The following ARHGAP15 variants were observed in gnomAD, a reference collection of about 807,000 sequenced individuals.
ARHGAP15 encodes the protein Rho GTPase activating protein 15.
ARHGAP15 carries 51 observed loss-of-function variants against 63.7 expected under a neutral mutation model. That is an observed-to-expected ratio of 0.80 (90% CI 0.64 to 1.01). The LOEUF is 1.01. Ranked by LOEUF, ARHGAP15 falls within the 50% of genes least tolerant of loss-of-function variation. The pLI, the probability that ARHGAP15 is intolerant of heterozygous loss-of-function variation, is 0.00. For synonymous variants in ARHGAP15, 191 were observed against 193.8 expected, an observed-to-expected ratio of 0.99 and a Z score of 0.12; for missense variants, 560 against 564.6, an observed-to-expected ratio of 0.99 and a Z score of 0.08.
chr2:143,130,719 T>A (rs1050986717), intron 1 of ARHGAP15, among the ~76,000 whole-genome samples: 3 of 152,148 alleles, frequency 2.0e-5, no homozygotes, highest in African/African-American at 7.2e-5. Context: ...AAAATAGAGA[T>A]TAGGACTTGG....
intron 6 of ARHGAP15, among the ~76,000 whole-genome samples, chr2:143,432,777 G>A (rs1475020980): frequency 6.6e-6 from 1 of 152,010 alleles, no homozygotes; most frequent in Admixed American, 6.6e-5. Flanking sequence ...CTTCATTAAG[G>A]TTACTTTGGT....
At chr2:143,503,112 A>T (rs1693147628) in intron 9 of ARHGAP15, among the ~76,000 whole-genome samples, 1 of 152,238 alleles carries the variant, frequency 6.6e-6, no homozygotes, top group Admixed American at 6.5e-5. Context: ...TGCCCCCGTT[A>T]TGACCAGCCT....
chr2:143,385,813 A>C (rs1040444029), intron 6 of ARHGAP15, among the ~76,000 whole-genome samples: 1 of 152,120 alleles, frequency 6.6e-6, no homozygotes, highest in Admixed American at 6.6e-5. Context: ...GATGTCTTAG[A>C]TAAACATTGA....
chr2:143,171,189 C>T (rs1486567563), intron 2 of ARHGAP15, among the ~76,000 whole-genome samples: 3 of 152,092 alleles, frequency 2.0e-5, no homozygotes, highest in Admixed American at 2.0e-4. Flanking sequence ...GGAGTGACCT[C>T]AGGATATCAC....
intron 6 of ARHGAP15, among the ~76,000 whole-genome samples, chr2:143,386,779 C>T (rs1161818340): frequency 6.6e-6 from 1 of 152,108 alleles, no homozygotes; most frequent in African/African-American, 2.4e-5. Context: ...TATTTTACCA[C>T]AAATAGTTAT....
At chr2:143,141,994 G>C (rs1420999804) in intron 1 of ARHGAP15, among the ~76,000 whole-genome samples, 1 of 152,028 alleles carries the variant, frequency 6.6e-6, no homozygotes, top group Non-Finnish European at 1.5e-5. Flanking sequence ...TGTAGAAGCT[G>C]TCCACCCGCA....
chr2:143,315,781 ATATATAT>A (rs1422184275), intron 6 of ARHGAP15, among the ~76,000 whole-genome samples: 21 of 152,068 alleles, frequency 1.4e-4, no homozygotes, highest in Non-Finnish European at 1.2e-4. Flanking sequence ...TAAGAAATAA[ATATATAT>A]TAAATATTTA....
intron 6 of ARHGAP15, among the ~76,000 whole-genome samples, chr2:143,360,394 A>G (rs1365256348): frequency 6.6e-6 from 1 of 152,082 alleles, no homozygotes; most frequent in African/African-American, 2.4e-5. Flanking sequence ...CAAAAATAAA[A>G]AAGAACTTTG....
chr2:143,593,035 G>A (rs1478928608), intron 11 of ARHGAP15, among the ~76,000 whole-genome samples: 1 of 152,194 alleles, frequency 6.6e-6, no homozygotes, highest in Non-Finnish European at 1.5e-5. Flanking sequence ...TGAAGAAGAT[G>A]TGGGAAAGCG....
At position 143,470,780 on chromosome 2, in the gene ARHGAP15, T is replaced by C. The variant is rs189451414; in HGVS notation, c.704-16593T>C. Among the ~76,000 whole-genome samples, 47 of 145,990 alleles carry C rather than the reference T, an allele frequency of 3.2e-4. No individual in the cohort carries two copies. The East Asian group carries it at 9.8e-3, about 30-fold the overall frequency. ...TACACTTCTTGTCAGTCATTCATCC[T>C]ACTCCAAACAGGTTGGCATATATAT... On this transcript the variant is annotated intron_variant, in intron 8 of 13. Coordinates refer to ENST00000295095, the MANE Select transcript of ARHGAP15 (RefSeq NM_018460.4).
chr2:143,344,143 A>C (rs999658132), intron 6 of ARHGAP15: 3 of 152,108 alleles, frequency 2.0e-5, no homozygotes, highest in African/African-American at 7.2e-5. Context: ...CACACCTTTT[A>C]TTCTCTCATC....
intron 6 of ARHGAP15, among the ~76,000 whole-genome samples, chr2:143,299,091 A>G (rs1175484016): frequency 2.6e-5 from 4 of 151,968 alleles, no homozygotes; most frequent in African/African-American, 9.7e-5. Flanking sequence ...CAAGAGCAAG[A>G]GTATGTGTCT....
chr2:143,375,759 A>G (rs1225826129), intron 6 of ARHGAP15, among the ~76,000 whole-genome samples: 1 of 152,210 alleles, frequency 6.6e-6, no homozygotes, highest in Non-Finnish European at 1.5e-5. Flanking sequence ...GTTCTTACTG[A>G]AAACTTCTAT....
intron 10 of ARHGAP15, among the ~76,000 whole-genome samples, chr2:143,540,251 C>T (rs1329636078): frequency 9.2e-5 from 14 of 152,112 alleles, no homozygotes; most frequent in Admixed American, 8.5e-4. Context: ...TCCTCCGTCC[C>T]TTTATTTTGA....
intron 13 of ARHGAP15, among the ~76,000 whole-genome samples, chr2:143,746,445 C>T (rs765539513): frequency 1.3e-5 from 2 of 152,132 alleles, no homozygotes; most frequent in Non-Finnish European, 2.9e-5. Flanking sequence ...CAACATCTAA[C>T]AAACATGAAT....
intron 6 of ARHGAP15, among the ~76,000 whole-genome samples, chr2:143,364,789 AGGC>A (rs1686223876): frequency 6.6e-6 from 1 of 152,192 alleles, no homozygotes; most frequent in Non-Finnish European, 1.5e-5. Context: ...GCACTTTGGG[AGGC>A]CAAGGCAGGC....
chr2:143,256,110 C>G (rs1345788889), intron 6 of ARHGAP15, among the ~76,000 whole-genome samples: 1 of 152,156 alleles, frequency 6.6e-6, no homozygotes, highest in East Asian at 1.9e-4. Context: ...CCTCACCTCA[C>G]CTGCCCATCT....
chr2:143,340,691 A>C (rs891948060), intron 6 of ARHGAP15, among the ~76,000 whole-genome samples: 7 of 152,118 alleles, frequency 4.6e-5, no homozygotes, highest in African/African-American at 1.7e-4. Flanking sequence ...GCTGATTCTC[A>C]TAACAAAGGC....
intron 11 of ARHGAP15, among the ~76,000 whole-genome samples, chr2:143,618,381 T>C (rs1698523999): frequency 6.6e-6 from 1 of 152,218 alleles, no homozygotes; most frequent in South Asian, 2.1e-4. Flanking sequence ...GTGACTTTCA[T>C]GTACCCAGCA....
Sources: allele counts gnomAD v4.1 joint callset (sites outside exome capture counted in the v4.1 genomes callset), GRCh38; gene constraint gnomAD v4.1.1; transcripts MANE v1.5; gene names NCBI Gene and HGNC (gene_info 2026-07-23, HGNC 2026-07-21).